Variants in OVCH1 observed in about 807,000 individuals in gnomAD.
The protein encoded by OVCH1 is ovochymase-1.
A neutral mutation model predicts 138.4 loss-of-function variants in OVCH1; 139 were observed. The ratio of observed to expected loss-of-function variants is 1.00; its 90% CI spans 0.87 to 1.16. The LOEUF is 1.16. Ranked by LOEUF, OVCH1 falls within the 50% of genes most tolerant of loss-of-function variation. OVCH1 has a pLI of 0.00. For missense variants in OVCH1, 1,367 were observed against 1,357.9 expected (o/e 1.01, Z -0.11); for synonymous variants, 453 against 467.8 (o/e 0.97, Z 0.41).
chr12:29,424,551 G>C (rs540234489), downstream of OVCH1, among the ~76,000 whole-genome samples: 2 of 152,288 alleles, frequency 1.3e-5, no homozygotes, highest in East Asian at 3.9e-4. Context: ...AGAGGTGTAG[G>C]GGTTTCCAAA....
At chr12:29,410,888 TAATATCCTGCAG>T (rs977365153), downstream of OVCH1, among the ~76,000 whole-genome samples, 6 of 33,100 alleles carry the variant, frequency 1.8e-4, no homozygotes, top group Admixed American at 7.1e-4. Flanking sequence ...TTCTCCTGGA[TAATATCCTGCAG>T]AGTGTTTTCC....
intron 4 of OVCH1, among the ~76,000 whole-genome samples, chr12:29,492,240 A>C (rs1943292088): frequency 1.3e-5 from 2 of 152,190 alleles, no homozygotes; most frequent in South Asian, 4.2e-4. Context: ...TCATTTGATG[A>C]AGAAACAATC....
At chr12:29,455,503 G>C in intron 19 of OVCH1, 98 bp from the exon 20 acceptor site, 1 of 1,298,714 alleles carries the variant, frequency 7.7e-7, no homozygotes, top group Non-Finnish European at 1.0e-6. Context: ...TATTTGTAAT[G>C]TGTTTAATTC....
intron 1 of OVCH1, 70 bp downstream of exon 1, chr12:29,497,553 T>A: frequency 1.3e-6 from 2 of 1,573,862 alleles, no homozygotes; most frequent in East Asian, 2.3e-5. Flanking sequence ...AGGCAAGGAG[T>A]AATGAAGTCT....
chr12:29,407,150 GTTGT>G, the OVCH1 span, among the ~76,000 whole-genome samples: 3 of 151,330 alleles, frequency 2.0e-5, no homozygotes, highest in Admixed American at 6.6e-5. Context: ...TCTTGATGGG[GTTGT>G]TTGTTTTTTT....
chr12:29,412,660 T>C (rs2135870703), exon 4 of OVCH1: 1 of 152,334 alleles, frequency 6.6e-6, no homozygotes, highest in East Asian at 1.9e-4. Context: ...CATCCAGCAG[T>C]CATACATGTA....
chr12:29,439,532 C>CT (rs2135915324), intron 25 of OVCH1: 2 of 1,330,516 alleles, frequency 1.5e-6, no homozygotes, highest in East Asian at 2.8e-5. Flanking sequence ...GGAAAAATCT[C>CT]TATCTCTACT....
At chr12:29,483,546 C>T (rs892016940) in intron 8 of OVCH1, among the ~76,000 whole-genome samples, 1 of 152,134 alleles carries the variant, frequency 6.6e-6, no homozygotes, top group African/African-American at 2.4e-5. Context: ...AAGGTCTAAT[C>T]TCTCTGCATG....
intron 8 of OVCH1, among the ~76,000 whole-genome samples, chr12:29,479,730 G>A (rs1254138560): frequency 2.6e-5 from 4 of 151,758 alleles, no homozygotes; most frequent in Non-Finnish European, 5.9e-5. Context: ...AAGGACTTTC[G>A]GAATTAGTCA....
the OVCH1 span, among the ~76,000 whole-genome samples, chr12:29,404,070 A>G: frequency 6.6e-6 from 1 of 152,216 alleles, no homozygotes; most frequent in African/African-American, 2.4e-5. Context: ...CGGAAGTGAC[A>G]CTGAATATTT....
chr12:29,435,638 G>A (rs766157702), intron 26 of OVCH1, among the ~76,000 whole-genome samples: 1 of 152,156 alleles, frequency 6.6e-6, no homozygotes, highest in Non-Finnish European at 1.5e-5. Flanking sequence ...ACAGGCATGA[G>A]CTACCGCACC....
At chr12:29,444,236 T>C in exon 24 of OVCH1, 1 of 1,612,370 alleles carries the variant, frequency 6.2e-7, no homozygotes. Context: ...AAGTGCTCTC[T>C]GTTTGAACTT....
chr12:29,484,039 ACT>A (rs1239558002), intron 8 of OVCH1, among the ~76,000 whole-genome samples: 1 of 152,206 alleles, frequency 6.6e-6, no homozygotes, highest in Admixed American at 6.5e-5. Flanking sequence ...AACTTGTAGA[ACT>A]GTTATCTTTG....
chr12:29,427,746 G>C, intron 27 of OVCH1: 1 of 1,476,086 alleles, frequency 6.8e-7, no homozygotes, highest in Non-Finnish European at 9.0e-7. Context: ...GGGAAGCCAG[G>C]AGAGTAGCAA....
In OVCH1 at chr12:29,475,557, C is replaced by T. The variant is rs1194056336; in HGVS notation, c.1472-368G>A. ...TTATAAGAGAGGTAACACTCGAAGT[C>T]ACTTTCATGAAAACCTCACACTATA... On this transcript the variant is annotated intron_variant, in intron 13 of 27. Transcript: ENST00000318184. Among the ~76,000 whole-genome samples the T allele has an allele frequency of 1.3e-5, 2 of 152,098 alleles. 1 individual carries two copies. Among genetic ancestry groups the T allele is most frequent in the Non-Finnish European group, 2.9e-5 (2 of 68,004 alleles).
At chr12:29,407,568 G>T (rs71438675), downstream of OVCH1, among the ~76,000 whole-genome samples, 41,413 of 144,440 alleles carry the variant, frequency 0.29, 7,523 homozygotes, top group Middle Eastern at 0.47. Flanking sequence ...TAGGGAATCC[G>T]TTCCCCATTG....
chr12:29,424,745 A>G (rs551241086), downstream of OVCH1, among the ~76,000 whole-genome samples: 2 of 152,296 alleles, frequency 1.3e-5, no homozygotes, highest in African/African-American at 4.8e-5. Context: ...CATATTAACT[A>G]TATGGCAAGT....
intron 21 of OVCH1, among the ~76,000 whole-genome samples, chr12:29,453,952 G>A (rs550984398): frequency 5.3e-5 from 8 of 152,006 alleles, no homozygotes; most frequent in Non-Finnish European, 8.8e-5. Context: ...CGAGAAATAT[G>A]TCATCCTTTT....
At chr12:29,482,845 C>A (rs1282629824) in intron 8 of OVCH1, among the ~76,000 whole-genome samples, 2 of 152,180 alleles carry the variant, frequency 1.3e-5, no homozygotes, top group East Asian at 3.8e-4. Context: ...AAGTAGGCTG[C>A]CATCTGCATG....
Sources: allele counts gnomAD v4.1 joint callset (sites outside exome capture counted in the v4.1 genomes callset), GRCh38; gene constraint gnomAD v4.1.1; transcripts MANE v1.5; gene names NCBI Gene and HGNC (gene_info 2026-07-23, HGNC 2026-07-21).